The following SEMA3A variants were observed in gnomAD, a reference collection of about 807,000 sequenced individuals.
SEMA3A encodes semaphorin 3A.
SEMA3A carries 29 observed loss-of-function variants against 97.9 expected under a neutral mutation model. The ratio of observed to expected loss-of-function variants is 0.30; its 90% CI spans 0.22 to 0.40. The LOEUF is 0.40. Ranked by LOEUF, SEMA3A falls within the 10% of genes least tolerant of loss-of-function variation. The probability of loss-of-function intolerance (pLI) is 1.00; values close to 1 mark genes in which losing one functional copy is unlikely to be tolerated. For synonymous variants in SEMA3A, 321 were observed against 323.7 expected, an observed-to-expected ratio of 0.99 and a Z score of 0.09; for missense variants, 763 against 951.3, an observed-to-expected ratio of 0.80 and a Z score of 2.60.
intron 3 of SEMA3A, among the ~76,000 whole-genome samples, chr7:84,293,202 C>A (rs1049309764): frequency 6.6e-6 from 1 of 152,028 alleles, no homozygotes; most frequent in Non-Finnish European, 1.5e-5. Flanking sequence ...TCTGTACCAA[C>A]CATTGCTGTG....
At chr7:84,260,911 T>A (rs1235974154) in intron 3 of SEMA3A, among the ~76,000 whole-genome samples, 1 of 152,160 alleles carries the variant, frequency 6.6e-6, no homozygotes, top group Non-Finnish European at 1.5e-5. Context: ...GCCCAGACTG[T>A]CCATTCCAGG....
intron 1 of SEMA3A, among the ~76,000 whole-genome samples, chr7:84,448,144 T>G (rs1805470104): frequency 6.6e-6 from 1 of 152,104 alleles, no homozygotes. Context: ...CTGTGAGCCG[T>G]GCACAGCCTG....
chr7:84,434,427 T>C (rs1355438188), intron 1 of SEMA3A, among the ~76,000 whole-genome samples: 5 of 152,066 alleles, frequency 3.3e-5, no homozygotes, highest in African/African-American at 1.2e-4. Flanking sequence ...AAAATTCTAC[T>C]AGACATATAA....
chr7:84,292,816 T>TTAGGACA (rs1800782503), intron 3 of SEMA3A, among the ~76,000 whole-genome samples: 1 of 152,102 alleles, frequency 6.6e-6, no homozygotes, highest in South Asian at 2.1e-4. Context: ...TTCAAAGGCC[T>TTAGGACA]TAGGACATAT....
rs112553868 is a variant in SEMA3A at position 84,268,705 on chromosome 7, G to T, written c.-83+38502C>A. On this transcript the variant is annotated intron_variant, in intron 3 of 3. Coordinates refer to the SEMA3A transcript ENST00000424555. ...CCTCTCTAGATAGAATGTCAGAATG[G>T]AAGCAAGGAGGTTATTATTACAGGC... Among the ~76,000 whole-genome samples, 384 of 152,194 alleles carry T rather than the reference G, an allele frequency of 2.5e-3. 1 individual carries two copies. Among genetic ancestry groups the T allele is most frequent in the African/African-American group, 8.9e-3 (368 of 41,526 alleles).
At chr7:84,234,988 T>A (rs1799199941) in intron 3 of SEMA3A, among the ~76,000 whole-genome samples, 1 of 152,076 alleles carries the variant, frequency 6.6e-6, no homozygotes, top group Admixed American at 6.6e-5. Flanking sequence ...ACTCTGCATG[T>A]GGCATAAGGG....
In SEMA3A at chr7:84,027,488, G is replaced by C. The variant is rs77252789; in HGVS notation, c.668-13137C>G. 5.8e-3 allele frequency among the ~76,000 whole-genome samples: 875 copies of C among 152,164 alleles called. 6 individuals are homozygous for C. The highest frequency in any genetic ancestry group is 0.02 in the African/African-American group (845 of 41,532). On this transcript the variant is annotated intron_variant, in intron 6 of 16. Transcript: ENST00000265362. The stretch of plus-strand genomic sequence containing the variant: ...AACCAGCACTAGTTTATTCTTTAGA[G>C]CAATACAAATCTGGGTTTCTATTTC...
At chr7:84,359,977 C>T (rs9800964) in intron 2 of SEMA3A, among the ~76,000 whole-genome samples, 35,238 of 139,146 alleles carry the variant, frequency 0.25, 4,957 homozygotes, top group African/African-American at 0.34. Flanking sequence ...GTGGGATCGG[C>T]GGTGATATCC....
intron 6 of SEMA3A, among the ~76,000 whole-genome samples, chr7:84,025,710 G>C (rs750130691): frequency 3.3e-5 from 5 of 152,148 alleles, no homozygotes; most frequent in Non-Finnish European, 1.5e-5. Context: ...GATAAACACA[G>C]AAGGCAAGTG....
chr7:84,256,589 A>G (rs1191539356), intron 3 of SEMA3A, among the ~76,000 whole-genome samples: 1 of 152,090 alleles, frequency 6.6e-6, no homozygotes, highest in East Asian at 1.9e-4. Context: ...GGGAGCTTAC[A>G]ACACACTCCA....
chr7:84,277,741 G>A (rs866496981), intron 3 of SEMA3A, among the ~76,000 whole-genome samples: 1 of 152,068 alleles, frequency 6.6e-6, no homozygotes, highest in Non-Finnish European at 1.5e-5. Flanking sequence ...CAGGGCAATC[G>A]GGTCCTAGGC....
rs142850267 is a variant in SEMA3A at position 84,395,807 on chromosome 7, T to C, written c.-245-23907A>G. ...AGGCCTTCTCAGCCATGCAGTACTGTGAGTCAATTAAACCTCTTTTCTTTA... is the reference window on the plus strand; with the variant it reads ...AGGCCTTCTCAGCCATGCAGTACTGCGAGTCAATTAAACCTCTTTTCTTTA... On this transcript the variant is annotated intron_variant, in intron 1 of 3. Coordinates refer to the SEMA3A transcript ENST00000424555. 5.3e-3 allele frequency among the ~76,000 whole-genome samples: 808 copies of C among 152,252 alleles called. 3 individuals carry two copies. Among genetic ancestry groups the C allele is most frequent in the Middle Eastern group, 0.014 (4 of 294 alleles).
intron 2 of SEMA3A, among the ~76,000 whole-genome samples, chr7:84,313,354 GTGTATATATATATATATATATATATATA>G (rs1439592735): frequency 7.1e-4 from 26 of 36,814 alleles, no homozygotes; most frequent in African/African-American, 2.5e-3. Context: ...ATATGTGTGT[GTGTATATATATATATATATATATATATA>G]TATATATATA....
chr7:83,987,638 C>G (rs1233334905), intron 12 of SEMA3A, among the ~76,000 whole-genome samples: 1 of 152,152 alleles, frequency 6.6e-6, no homozygotes, highest in African/African-American at 2.4e-5. Flanking sequence ...CTGGTATTTA[C>G]AAGTTCTTAA....
chr7:84,338,666 G>A (rs1006723819), intron 2 of SEMA3A, among the ~76,000 whole-genome samples: 7 of 152,106 alleles, frequency 4.6e-5, no homozygotes, highest in Non-Finnish European at 1.0e-4. Flanking sequence ...TGACAGAGAT[G>A]TGGATTTAGA....
chr7:84,217,645 A>C (rs1798780604), intron 3 of SEMA3A, among the ~76,000 whole-genome samples: 1 of 152,062 alleles, frequency 6.6e-6, no homozygotes, highest in Admixed American at 6.6e-5. Flanking sequence ...AGGTTTAAAA[A>C]CTTTAAAGTA....
chr7:83,997,926 C>T (rs143809996), intron 12 of SEMA3A, among the ~76,000 whole-genome samples: 4 of 151,828 alleles, frequency 2.6e-5, no homozygotes, highest in African/African-American at 7.2e-5. Flanking sequence ...TTAGTAGAGA[C>T]GGGGTTTCAC....
chr7:84,269,073 T>C (rs1389355927), intron 3 of SEMA3A, among the ~76,000 whole-genome samples: 1 of 152,166 alleles, frequency 6.6e-6, no homozygotes, highest in Non-Finnish European at 1.5e-5. Context: ...CTCTCAGAAA[T>C]TATTTCTCCT....
chr7:84,463,857 A>T (rs1450267681), intron 1 of SEMA3A, among the ~76,000 whole-genome samples: 1 of 152,096 alleles, frequency 6.6e-6, no homozygotes, highest in Non-Finnish European at 1.5e-5. Context: ...CATATATTAC[A>T]ATATAATTAT....
Sources: gnomAD v4.1 joint callset for allele counts (sites outside exome capture counted in the v4.1 genomes callset) on GRCh38, gnomAD v4.1.1 for gene constraint, MANE v1.5 for transcripts, NCBI Gene and HGNC (gene_info 2026-07-23, HGNC 2026-07-21) for gene names.